Variants in N4BP2 observed in about 807,000 individuals in gnomAD.
N4BP2 encodes the protein NEDD4-binding protein 2.
In N4BP2, 91 loss-of-function variants were observed where a neutral mutation model predicts 152.8. The ratio of observed to expected loss-of-function variants is 0.60; its 90% CI spans 0.50 to 0.71. N4BP2 has a LOEUF of 0.71. N4BP2 is among the 30% of genes least tolerant of loss of function. N4BP2 has a pLI of 0.00. For missense variants in N4BP2, 1,923 were observed against 2,059.1 expected, an observed-to-expected ratio of 0.93 and a Z score of 1.28; for synonymous variants, 646 against 705.3, an observed-to-expected ratio of 0.92 and a Z score of 1.33.
At chr4:40,188,561 A>T in the N4BP2 span, among the ~76,000 whole-genome samples, 1 of 152,038 alleles carries the variant, frequency 6.6e-6, no homozygotes, top group Admixed American at 6.6e-5. Flanking sequence ...CCTGGGCAAC[A>T]TAGGGAAACC....
the N4BP2 span, among the ~76,000 whole-genome samples, chr4:40,168,307 A>G: frequency 2.0e-5 from 3 of 152,186 alleles, no homozygotes; most frequent in African/African-American, 4.8e-5. Context: ...TTAAAAACAA[A>G]CCCAGTGAAT....
At chr4:40,161,193 C>G (rs1721850651), downstream of N4BP2, among the ~76,000 whole-genome samples, 1 of 152,194 alleles carries the variant, frequency 6.6e-6, no homozygotes, top group East Asian at 1.9e-4. Context: ...AATGCCGCCA[C>G]TAGCTGCCTG....
chr4:40,120,949 A>G lies in N4BP2; in HGVS notation c.2838A>G (p.Leu946=). The change falls in exon 9 of 18, where the codon CTA becomes CTG. Residue 946 remains leucine, a synonymous_variant. Transcript: ENST00000261435. ...TAAAGACATTGGGTAGCTCCAATCT[A>G]GGAAGTTCTGAAATGCTGCTCAGTG... is the stretch of plus-strand genomic sequence containing the variant. ...QKLKTLGSSN[L]GSSEMLLSEM... 6 of 1,614,196 alleles carry G rather than the reference A, an allele frequency of 3.7e-6. No homozygotes were observed. The highest frequency in any genetic ancestry group is 5.1e-6 in the Non-Finnish European group (6 of 1,180,028).
intron 11 of N4BP2, among the ~76,000 whole-genome samples, chr4:40,125,495 C>G (rs793998): frequency 6.6e-6 from 1 of 152,088 alleles, no homozygotes; most frequent in African/African-American, 2.4e-5. Context: ...CAGCTGGCTA[C>G]AACTTCCTCT....
intron 4 of N4BP2, among the ~76,000 whole-genome samples, chr4:40,106,416 A>C (rs1716293915): frequency 6.6e-6 from 1 of 152,108 alleles, no homozygotes; most frequent in Non-Finnish European, 1.5e-5. Flanking sequence ...CCCTGGGTTC[A>C]AGTGATCCTC....
At chr4:40,088,789 C>T (rs996318713) in intron 2 of N4BP2, among the ~76,000 whole-genome samples, 6 of 152,090 alleles carry the variant, frequency 3.9e-5, no homozygotes, top group Non-Finnish European at 7.4e-5. Flanking sequence ...CATGAGCCAC[C>T]GCACCTGACC....
chr4:40,108,012 C>T (rs1716490884), intron 5 of N4BP2, among the ~76,000 whole-genome samples: 1 of 151,226 alleles, frequency 6.6e-6, no homozygotes, highest in African/African-American at 2.4e-5. Context: ...CAACCTCCGC[C>T]TCCCACGTTC....
At chr4:40,108,102 A>G (rs1335439557) in intron 5 of N4BP2, among the ~76,000 whole-genome samples, 1 of 151,454 alleles carries the variant, frequency 6.6e-6, no homozygotes, top group African/African-American at 2.4e-5. Context: ...TAATTTTTGT[A>G]TTTTTAGTAG....
At chr4:40,142,296 CCT>C (rs2110033798) in intron 14 of N4BP2, 1 of 325,688 alleles carries the variant, frequency 3.1e-6, no homozygotes. Flanking sequence ...TCATGGCCCT[CCT>C]CTCTCTGGCG....
chr4:40,091,246 G>A (rs962936286), intron 2 of N4BP2, among the ~76,000 whole-genome samples: 2 of 151,716 alleles, frequency 1.3e-5, no homozygotes, highest in South Asian at 2.1e-4. Context: ...ATCTATATGC[G>A]TTTTATTTTC....
chr4:40,112,444 TTA>T (rs1388909720), intron 6 of N4BP2, among the ~76,000 whole-genome samples: 1 of 152,194 alleles, frequency 6.6e-6, no homozygotes, highest in Non-Finnish European at 1.5e-5. Context: ...TGGTACTAAA[TTA>T]TAATTTTATT....
intron 15 of N4BP2, 74 bp downstream of exon 15, chr4:40,142,935 C>T: frequency 1.7e-6 from 2 of 1,188,438 alleles, no homozygotes; most frequent in Non-Finnish European, 2.4e-6. Context: ...ATAAGACACC[C>T]ATATTGTGAC....
At position 40,142,828 on chromosome 4, in the gene N4BP2, GA is replaced by G. The variant is rs763929397; in HGVS notation, c.4949del (p.Asn1650MetfsTer17). The G allele has an allele frequency of 2.5e-6, 4 of 1,612,176 alleles. No individual in the cohort carries two copies. Among genetic ancestry groups the G allele is most frequent in the Admixed American group, 1.7e-5 (1 of 59,510 alleles). On this transcript the variant is annotated frameshift_variant, in exon 15 of 18. Coordinates refer to ENST00000261435, the MANE Select transcript of N4BP2 (RefSeq NM_018177.6). LOFTEE classifies it high-confidence loss of function. The stretch of plus-strand genomic sequence containing the variant: ...AGGCCAAAGAAGCTTATCGGATAGG[GA>G]AAAAAAATGTCGCCACCTTTTATGC... ...SKAKEAYRIG[K>X]KNVATFYAQQ... is the part of the protein sequence containing the mutation.
intron 4 of N4BP2, 83 bp downstream of exon 4, chr4:40,103,301 G>C: frequency 8.1e-7 from 1 of 1,227,192 alleles, no homozygotes; most frequent in Admixed American, 2.3e-5. Flanking sequence ...AAAATGCTTT[G>C]CTTAGTAGAG....
chr4:40,114,106 T>C (rs1717146067), intron 7 of N4BP2, among the ~76,000 whole-genome samples: 1 of 152,224 alleles, frequency 6.6e-6, no homozygotes, highest in Non-Finnish European at 1.5e-5. Flanking sequence ...CCACTATGGC[T>C]ATACTTTTTT....
At position 40,134,622 on chromosome 4, in the gene N4BP2, A is replaced by G. The variant is rs148966282; in HGVS notation, c.4647-2322A>G. Reference sequence around the variant, plus strand: ...GCTGGAGACTGACTTCCAGCAGGTGAGTGATTTTAAGGCCTAGAAAGGATG... The same window carrying G: ...GCTGGAGACTGACTTCCAGCAGGTGGGTGATTTTAAGGCCTAGAAAGGATG... On this transcript the variant is annotated intron_variant, in intron 13 of 17. Transcript: ENST00000261435. Among the ~76,000 whole-genome samples the G allele has an allele frequency of 2.4e-3, 361 of 152,132 alleles. 1 individual carries two copies. Among genetic ancestry groups the G allele is most frequent in the African/African-American group, 8.2e-3 (342 of 41,504 alleles).
rs750134614 is a variant in N4BP2, at chr4:40,097,298, T to A, written c.-43T>A. On this transcript the variant is annotated 5_prime_UTR_variant, in exon 3 of 18. Coordinates refer to ENST00000261435, the MANE Select transcript of N4BP2 (RefSeq NM_018177.6). ...TGAATTATGACTTAAATGTCAAACATCTTAACTAAGAAAAGGGAAACATTT... is the reference window on the plus strand; with the variant it reads ...TGAATTATGACTTAAATGTCAAACAACTTAACTAAGAAAAGGGAAACATTT... 6.5e-7 allele frequency: 1 copy of A among 1,541,762 alleles called. No individual in the cohort carries two copies. Among genetic ancestry groups the A allele is most frequent in the Non-Finnish European group, 9.0e-7 (1 of 1,116,128 alleles).
intron 2 of N4BP2, among the ~76,000 whole-genome samples, chr4:40,091,864 C>T (rs1363711102): frequency 6.8e-6 from 1 of 147,510 alleles, no homozygotes; most frequent in African/African-American, 2.5e-5. Flanking sequence ...CCAACTCAGC[C>T]TCCTAAAGTT....
chr4:40,058,704 A>G (rs542316533), intron 1 of N4BP2, among the ~76,000 whole-genome samples: 1 of 152,302 alleles, frequency 6.6e-6, no homozygotes, highest in African/African-American at 2.4e-5. Flanking sequence ...TCATTAAAGT[A>G]TATTAAAGTA....
Sources: allele counts gnomAD v4.1 joint callset (sites outside exome capture counted in the v4.1 genomes callset), GRCh38; gene constraint gnomAD v4.1.1; transcripts MANE v1.5; gene names NCBI Gene and HGNC (gene_info 2026-07-23, HGNC 2026-07-21).